Variants in ATP10B observed in about 807,000 individuals in gnomAD.
ATP10B encodes the protein ATPase phospholipid transporting 10B (putative), also known as phospholipid-transporting ATPase VB.
ATP10B carries 122 observed loss-of-function variants against 141.2 expected under a neutral mutation model. The observed-to-expected ratio is 0.86, with a 90% CI of 0.75 to 1.00. The LOEUF is 1.00. ATP10B is among the 50% of genes least tolerant of loss of function. The pLI is 0.00. For synonymous variants in ATP10B, 685 were observed against 692.0 expected, an observed-to-expected ratio of 0.99 and a Z score of 0.16; for missense variants, 1,876 against 1,825.3, an observed-to-expected ratio of 1.03 and a Z score of -0.51.
At chr5:160,859,836 G>T in the ATP10B span, among the ~76,000 whole-genome samples, 1 of 151,814 alleles carries the variant, frequency 6.6e-6, no homozygotes, top group South Asian at 2.1e-4. Flanking sequence ...CTTGTGCAGG[G>T]TAACTCCATT....
chr5:160,659,782 T>C (rs1761788167), intron 7 of ATP10B, among the ~76,000 whole-genome samples: 1 of 152,190 alleles, frequency 6.6e-6, no homozygotes, highest in South Asian at 2.1e-4. Context: ...CTAACATTTA[T>C]AGAGCTTTAG....
At chr5:160,781,485 T>C (rs1308135565) in intron 2 of ATP10B, among the ~76,000 whole-genome samples, 4 of 152,076 alleles carry the variant, frequency 2.6e-5, no homozygotes, top group African/African-American at 4.8e-5. Context: ...ATTAAGTGAG[T>C]TAGGGAAATT....
intron 17 of ATP10B, 127 bp from the exon 18 acceptor site, chr5:160,613,052 G>A: frequency 3.4e-6 from 3 of 873,690 alleles, no homozygotes; most frequent in Non-Finnish European, 5.2e-6. Flanking sequence ...GTGTACCCAG[G>A]ATATAACAGT....
At chr5:160,865,118 C>A in the ATP10B span, among the ~76,000 whole-genome samples, 1 of 152,070 alleles carries the variant, frequency 6.6e-6, no homozygotes, top group African/African-American at 2.4e-5. Flanking sequence ...AGAGCCAAAG[C>A]ACTACTAGGC....
At chr5:160,755,713 GCT>G (rs1768482180) in intron 2 of ATP10B, among the ~76,000 whole-genome samples, 1 of 147,280 alleles carries the variant, frequency 6.8e-6, no homozygotes, top group Non-Finnish European at 1.5e-5. Flanking sequence ...TACGCGGGAA[GCT>G]GAGGCAGGAG....
At chr5:160,784,909 T>A (rs1001754695) in intron 2 of ATP10B, among the ~76,000 whole-genome samples, 1 of 152,150 alleles carries the variant, frequency 6.6e-6, no homozygotes, top group African/African-American at 2.4e-5. Flanking sequence ...TGTTTATATA[T>A]CCCCTTTTCT....
At chr5:160,834,819 T>G (rs866326812) in intron 1 of ATP10B, among the ~76,000 whole-genome samples, 3 of 152,040 alleles carry the variant, frequency 2.0e-5, no homozygotes, top group Non-Finnish European at 4.4e-5. Context: ...GCTTTTTCCT[T>G]GAGGACTGAG....
At chr5:160,907,903 C>G in the ATP10B span, among the ~76,000 whole-genome samples, 350 of 152,306 alleles carry the variant, frequency 2.3e-3, 1 homozygote, top group African/African-American at 8.2e-3. Flanking sequence ...GGCTGAGCAG[C>G]TAAAAGCTGG....
intron 2 of ATP10B, among the ~76,000 whole-genome samples, chr5:160,783,912 T>C (rs967765542): frequency 2.0e-5 from 3 of 152,128 alleles, no homozygotes; most frequent in Non-Finnish European, 4.4e-5. Flanking sequence ...TTTTCATTTT[T>C]TGATTATGGC....
chr5:160,891,974 G>A, the ATP10B span, among the ~76,000 whole-genome samples: 3 of 152,242 alleles, frequency 2.0e-5, no homozygotes, highest in African/African-American at 7.2e-5. Context: ...TGCCTGGCAG[G>A]TAGCACACTT....
chr5:160,767,260 C>CA (rs1169992070), intron 2 of ATP10B, among the ~76,000 whole-genome samples: 1 of 152,070 alleles, frequency 6.6e-6, no homozygotes, highest in Admixed American at 6.6e-5. Context: ...GTATTTTCCC[C>CA]ATGTCACTTG....
chr5:160,668,436 G>T (rs555604867), intron 7 of ATP10B, among the ~76,000 whole-genome samples: 1 of 152,280 alleles, frequency 6.6e-6, no homozygotes, highest in East Asian at 1.9e-4. Flanking sequence ...GCCTCTGGTC[G>T]AAGGGCAGGC....
At chr5:160,696,127 G>T (rs1256974811) in intron 3 of ATP10B, among the ~76,000 whole-genome samples, 1 of 151,318 alleles carries the variant, frequency 6.6e-6, no homozygotes, top group Non-Finnish European at 1.5e-5. Flanking sequence ...TTTTTTCACT[G>T]AGATAGTCTC....
chr5:160,630,545 C>T (rs932918718), intron 13 of ATP10B, among the ~76,000 whole-genome samples: 16 of 152,272 alleles, frequency 1.1e-4, no homozygotes, highest in South Asian at 6.2e-4. Flanking sequence ...AAGATGCCAA[C>T]GACACACAGA....
the ATP10B span, among the ~76,000 whole-genome samples, chr5:160,874,683 G>A: frequency 1.6e-4 from 24 of 152,134 alleles, no homozygotes; most frequent in South Asian, 2.1e-4. Context: ...ACAGAGAAGC[G>A]CTTAAAGGAG....
chr5:160,745,779 T>A (rs920152473), intron 2 of ATP10B, among the ~76,000 whole-genome samples: 38 of 152,206 alleles, frequency 2.5e-4, no homozygotes, highest in African/African-American at 8.7e-4. Flanking sequence ...TCACCCAGGT[T>A]CACACAGAAA....
chr5:160,685,212 C>T, intron 6 of ATP10B: 1 of 600,222 alleles, frequency 1.7e-6, no homozygotes, highest in Non-Finnish European at 3.0e-6. Context: ...TCCTCCCTTC[C>T]TTTTTCATCT....
chr5:160,699,467 T>A (rs970849648), intron 3 of ATP10B, among the ~76,000 whole-genome samples: 4 of 152,174 alleles, frequency 2.6e-5, no homozygotes, highest in Admixed American at 2.6e-4. Flanking sequence ...CTGGCTCAGT[T>A]CACTTCAAAC....
intron 7 of ATP10B, among the ~76,000 whole-genome samples, chr5:160,664,523 A>G (rs1762197868): frequency 6.6e-6 from 1 of 152,210 alleles, no homozygotes; most frequent in African/African-American, 2.4e-5. Context: ...ACAGATACAT[A>G]TGATTATTAC....
Sources: allele counts gnomAD v4.1 joint callset (sites outside exome capture counted in the v4.1 genomes callset), GRCh38; gene constraint gnomAD v4.1.1; transcripts MANE v1.5; gene names NCBI Gene and HGNC (gene_info 2026-07-23, HGNC 2026-07-21).